GAB2: variants seen among roughly 807,000 people sequenced by gnomAD.
The protein encoded by GAB2 is GRB2-associated-binding protein 2.
In GAB2, 26 loss-of-function variants were observed where a neutral mutation model predicts 65.5. The ratio of observed to expected loss-of-function variants is 0.40; its 90% CI spans 0.29 to 0.55. GAB2 has a LOEUF of 0.55. Among genes scored for constraint, GAB2 ranks in the 20% least tolerant of loss-of-function variants. The probability of loss-of-function intolerance (pLI) is 0.53; values close to 1 mark genes in which losing one functional copy is unlikely to be tolerated. For synonymous variants in GAB2, 321 were observed against 329.6 expected, an observed-to-expected ratio of 0.97 and a Z score of 0.28; for missense variants, 884 against 875.8, an observed-to-expected ratio of 1.01 and a Z score of -0.12.
chr11:78,240,516 C>G (rs1865102364), intron 3 of GAB2, among the ~76,000 whole-genome samples: 1 of 152,126 alleles, frequency 6.6e-6, no homozygotes, highest in African/African-American at 2.4e-5. Flanking sequence ...ACGCCTCTCC[C>G]TGGGGAGTAG....
At chr11:78,299,304 G>A (rs778815179) in intron 1 of GAB2, among the ~76,000 whole-genome samples, 10 of 152,072 alleles carry the variant, frequency 6.6e-5, no homozygotes, top group Non-Finnish European at 1.2e-4. Flanking sequence ...CATCTATAAC[G>A]TACAAGTGTT....
intron 1 of GAB2, among the ~76,000 whole-genome samples, chr11:78,413,907 G>A (rs1857160484): frequency 1.3e-5 from 2 of 151,994 alleles, no homozygotes; most frequent in Non-Finnish European, 2.9e-5. Context: ...TCACCAACGT[G>A]GTCAAGCCTC....
intron 2 of GAB2, among the ~76,000 whole-genome samples, chr11:78,253,430 TAC>T (rs779547648): frequency 3.8e-4 from 58 of 152,296 alleles, no homozygotes; most frequent in Non-Finnish European, 7.1e-4. Context: ...TAGCCAGGAA[TAC>T]AGGCATGCAC....
At position 78,236,713 on chromosome 11, in the gene GAB2, T is replaced by C. The variant is rs191121455; in HGVS notation, c.621-9662A>G. 2.2e-3 allele frequency among the ~76,000 whole-genome samples: 341 copies of C among 152,342 alleles called. 1 individual carries two copies. Among genetic ancestry groups the C allele is most frequent in the African/African-American group, 7.6e-3 (315 of 41,574 alleles). On this transcript the variant is annotated intron_variant, in intron 3 of 9. Coordinates refer to ENST00000361507, the MANE Select transcript of GAB2 (RefSeq NM_080491.3). ...TTGTCAAATGCTTCCTCTGCATCTA[T>C]TGAGGTTATGATTATATTATTTTTC...
chr11:78,263,330 G>C (rs1338942881), intron 2 of GAB2, among the ~76,000 whole-genome samples: 1 of 151,584 alleles, frequency 6.6e-6, no homozygotes, highest in Non-Finnish European at 1.5e-5. Flanking sequence ...TCAGCATACA[G>C]AATTTAAAGA....
chr11:78,290,074 C>T (rs962561035), intron 1 of GAB2, among the ~76,000 whole-genome samples: 4 of 151,790 alleles, frequency 2.6e-5, no homozygotes, highest in Non-Finnish European at 4.4e-5. Context: ...ATGCTGTGCT[C>T]TCATCTGGCA....
intron 2 of GAB2, among the ~76,000 whole-genome samples, chr11:78,266,214 C>CAAAACA (rs1865870459): frequency 1.5e-5 from 1 of 65,040 alleles, no homozygotes; most frequent in Non-Finnish European, 2.6e-5. Flanking sequence ...GACTCCATCT[C>CAAAACA]AAAAAAAAAA....
chr11:78,394,985 G>A (rs978722786), intron 1 of GAB2, among the ~76,000 whole-genome samples: 1 of 152,152 alleles, frequency 6.6e-6, no homozygotes, highest in Non-Finnish European at 1.5e-5. Flanking sequence ...CTCAAGAGCA[G>A]CCAGTGAAGA....
intron 1 of GAB2, among the ~76,000 whole-genome samples, chr11:78,307,113 C>T (rs1855377828): frequency 6.6e-6 from 1 of 152,152 alleles, no homozygotes; most frequent in Non-Finnish European, 1.5e-5. Flanking sequence ...AAGTTAGATA[C>T]AGCACCCTTA....
chr11:78,273,067 C>T (rs931135224), intron 2 of GAB2, among the ~76,000 whole-genome samples: 4 of 152,214 alleles, frequency 2.6e-5, no homozygotes, highest in Admixed American at 2.0e-4. Context: ...AGTATGGATG[C>T]CCAGGCAGAA....
At chr11:78,358,439 T>TA (rs1554993729) in intron 1 of GAB2, among the ~76,000 whole-genome samples, 1 of 117,314 alleles carries the variant, frequency 8.5e-6, no homozygotes, top group Non-Finnish European at 1.8e-5. Flanking sequence ...GAACTTAAAA[T>TA]ATAATAATAA....
At chr11:78,338,687 T>C (rs891281065) in intron 1 of GAB2, among the ~76,000 whole-genome samples, 2 of 152,140 alleles carry the variant, frequency 1.3e-5, no homozygotes, top group Non-Finnish European at 2.9e-5. Flanking sequence ...ATACACACAG[T>C]GTCAAAAAAA....
At chr11:78,243,055 G>A (rs557498003) in intron 3 of GAB2, among the ~76,000 whole-genome samples, 4 of 152,116 alleles carry the variant, frequency 2.6e-5, no homozygotes, top group South Asian at 2.1e-4. Flanking sequence ...CCAGCTACTC[G>A]GGTGGCTAAG....
rs930335865 is a variant in GAB2 at position 78,321,463 on chromosome 11, C to T, written c.76-40562G>A. Among the ~76,000 whole-genome samples, 7 of 152,156 alleles carry T rather than the reference C, an allele frequency of 4.6e-5. No homozygotes were observed. The East Asian group carries it at 5.8e-4, about 13-fold the overall frequency. ...AGTTCCTTGCAAGCAGGAAAAATTG[C>T]TCATGTCTTTTTACTCCTAGCCCAC... On this transcript the variant is annotated intron_variant, in intron 1 of 9. Coordinates refer to ENST00000361507, the MANE Select transcript of GAB2 (RefSeq NM_080491.3).
At chr11:78,282,178 T>G (rs765015681) in intron 1 of GAB2, among the ~76,000 whole-genome samples, 16 of 152,228 alleles carry the variant, frequency 1.1e-4, no homozygotes, top group Non-Finnish European at 2.1e-4. Flanking sequence ...TGATTACATA[T>G]TCTCTCAAGT....
At chr11:78,388,182 C>T (rs1856792541) in intron 1 of GAB2, 2 of 152,034 alleles carry the variant, frequency 1.3e-5, no homozygotes, top group African/African-American at 4.8e-5. Flanking sequence ...TGCACCACCA[C>T]ACCCGCTAAT....
chr11:78,343,087 A>G (rs952415838), intron 1 of GAB2, among the ~76,000 whole-genome samples: 1 of 152,106 alleles, frequency 6.6e-6, no homozygotes, highest in Non-Finnish European at 1.5e-5. Context: ...ACCCACTAAG[A>G]ATATAAATTA....
At chr11:78,359,439 A>G (rs1856404063) in intron 1 of GAB2, among the ~76,000 whole-genome samples, 1 of 152,248 alleles carries the variant, frequency 6.6e-6, no homozygotes, top group African/African-American at 2.4e-5. Flanking sequence ...TCAATGTGCT[A>G]AGAAAAAATA....
intron 2 of GAB2, among the ~76,000 whole-genome samples, chr11:78,253,080 G>A (rs1176293097): frequency 7.4e-6 from 1 of 134,974 alleles, no homozygotes; most frequent in Non-Finnish European, 1.5e-5. Flanking sequence ...GTACGATCTC[G>A]GCTCACCACA....
Sources: allele counts gnomAD v4.1 joint callset (sites outside exome capture counted in the v4.1 genomes callset), GRCh38; gene constraint gnomAD v4.1.1; transcripts MANE v1.5; gene names NCBI Gene and HGNC (gene_info 2026-07-23, HGNC 2026-07-21).